TENM1: variants seen among roughly 807,000 people sequenced by gnomAD.
TENM1 encodes teneurin-1.
A neutral mutation model predicts 174.8 loss-of-function variants in TENM1; 35 were observed. That is an observed-to-expected ratio of 0.20 (90% CI 0.15 to 0.27). The LOEUF is 0.27. Ranked by LOEUF, TENM1 falls within the 10% of genes least tolerant of loss-of-function variation. The probability of loss-of-function intolerance (pLI) is 1.00; values close to 1 mark genes in which losing one functional copy is unlikely to be tolerated. For missense variants in TENM1, 1,633 were observed against 2,130.1 expected, an observed-to-expected ratio of 0.77 and a Z score of 4.59; for synonymous variants, 781 against 798.7, an observed-to-expected ratio of 0.98 and a Z score of 0.37.
intron 5 of TENM1, among the ~76,000 whole-genome samples, chrX:124,684,729 A>C (rs1293494665): frequency 8.9e-6 from 1 of 111,954 alleles, no homozygotes; most frequent in East Asian, 2.8e-4. Context: ...AGCCACTGCC[A>C]ACCCAAGATC....
At chrX:124,539,777 A>G (rs1381319422) in intron 15 of TENM1, among the ~76,000 whole-genome samples, 2 of 111,552 alleles carry the variant, frequency 1.8e-5, no homozygotes, top group Non-Finnish European at 3.8e-5. Context: ...CTGTTTGCAT[A>G]TAGTTAAGCT....
the TENM1 span, among the ~76,000 whole-genome samples, chrX:125,070,301 T>C: frequency 9.0e-6 from 1 of 111,470 alleles, no homozygotes; most frequent in African/African-American, 3.3e-5. Context: ...GCATTTTTTC[T>C]TATGTTTGTT....
chrX:124,382,470 T>G (rs1305403307), intron 31 of TENM1, among the ~76,000 whole-genome samples, 200 bp downstream of exon 34: 1 of 111,371 alleles, frequency 9.0e-6, no homozygotes, highest in African/African-American at 3.3e-5. Context: ...CTGTTAATCT[T>G]TTTTTTCCCC....
chrX:124,693,067 CTTGCT>C (rs1175190759), intron 5 of TENM1, among the ~76,000 whole-genome samples: 2 of 107,756 alleles, frequency 1.9e-5, no homozygotes, highest in Admixed American at 1.0e-4. Flanking sequence ...CTACTCTTAC[CTTGCT>C]TTGTCTGTTG....
intron 22 of TENM1, among the ~76,000 whole-genome samples, chrX:124,462,285 A>C (rs1448422735): frequency 3.6e-5 from 4 of 110,498 alleles, no homozygotes; most frequent in Non-Finnish European, 7.6e-5. Context: ...GCATTGAGGA[A>C]TCACTAGATG....
At chrX:125,154,829 G>A in the TENM1 span, among the ~76,000 whole-genome samples, 1 of 109,352 alleles carries the variant, frequency 9.1e-6, no homozygotes, top group Non-Finnish European at 1.9e-5. Flanking sequence ...GGCGTTTCTG[G>A]AGTTGTTCGT....
chrX:124,833,829 G>A (rs1286668642), intron 3 of TENM1, among the ~76,000 whole-genome samples: 6 of 110,814 alleles, frequency 5.4e-5, no homozygotes, highest in Non-Finnish European at 1.1e-4. Context: ...CACCAATCTC[G>A]TATATCGGAC....
chrX:125,006,318 C>A, the TENM1 span, among the ~76,000 whole-genome samples: 1 of 111,819 alleles, frequency 8.9e-6, no homozygotes, highest in African/African-American at 3.3e-5. Context: ...TCTCTAGATT[C>A]CCCCTCATTA....
rs375510917 is a variant in TENM1, at chrX:124,737,206, G to A, written c.536-9C>T. On this transcript the variant is annotated splice_polypyrimidine_tract_variant and intron_variant, in intron 3 of 31. Transcript: ENST00000422452. Reference sequence around the variant, plus strand: ...TGGGCTGCTCTGCACATCTAAAGAGGAGAGAAGAGAAACATAAAATAGAGA... The same window carrying A: ...TGGGCTGCTCTGCACATCTAAAGAGAAGAGAAGAGAAACATAAAATAGAGA... 9 of 1,181,451 alleles carry A rather than the reference G, an allele frequency of 7.6e-6. No homozygotes were observed. Among genetic ancestry groups the A allele is most frequent in the Non-Finnish European group, 1.0e-5 (9 of 881,761 alleles).
At chrX:124,875,390 G>T (rs185154199) in intron 3 of TENM1, among the ~76,000 whole-genome samples, 401 of 108,128 alleles carry the variant, frequency 3.7e-3, no homozygotes, top group African/African-American at 0.013. Context: ...CTTATTTCTT[G>T]TATTAGTTTC....
intron 4 of TENM1, among the ~76,000 whole-genome samples, chrX:124,711,862 C>T (rs2053058441): frequency 9.0e-6 from 1 of 111,321 alleles, no homozygotes; most frequent in South Asian, 3.8e-4. Context: ...TTGTTCTTTC[C>T]ATCCTCTTCC....
In TENM1 at chrX:124,652,109, G is replaced by A. The variant is rs1207491156; in HGVS notation, c.1384C>T (p.Leu462=). 4 of 1,210,332 alleles carry A rather than the reference G, an allele frequency of 3.3e-6. No individual in the cohort carries two copies. The East Asian group carries it at 1.2e-4, about 36-fold the overall frequency. Residue 462 remains leucine, a synonymous_variant, in exon 8 of 32, where the codon CTA becomes TTA. Coordinates refer to ENST00000422452, the Ensembl canonical transcript of TENM1. ...TTGACCAGCTGTTTGCCATCCATTA[G>A]TTTTACAAAATCAAACTGGAACAAA...
intron 4 of TENM1, among the ~76,000 whole-genome samples, chrX:124,736,480 C>T (rs1181808165): frequency 9.1e-6 from 1 of 109,756 alleles, no homozygotes; most frequent in Admixed American, 9.7e-5. Context: ...TTACATGAGG[C>T]TGATCCTTTT....
At position 124,816,000 on chromosome X, in the gene TENM1, G is replaced by A. The variant is rs770077345; in HGVS notation, c.535+78296C>T. Among the ~76,000 whole-genome samples, 3 of 111,858 alleles carry A rather than the reference G, an allele frequency of 2.7e-5. No individual in the cohort carries two copies. The East Asian group carries it at 8.4e-4, about 31-fold the overall frequency. Reference sequence around the variant, plus strand: ...AAAAGAATTTTAAAATATTGTAAAAGTGTGTTGATGAAAAAGAATTGGGTT... The same window carrying A: ...AAAAGAATTTTAAAATATTGTAAAAATGTGTTGATGAAAAAGAATTGGGTT... On this transcript the variant is annotated intron_variant, in intron 3 of 31. Transcript: ENST00000422452.
At chrX:125,065,434 C>A in the TENM1 span, among the ~76,000 whole-genome samples, 1 of 111,979 alleles carries the variant, frequency 8.9e-6, no homozygotes, top group African/African-American at 3.2e-5. Flanking sequence ...ATCCACCTTA[C>A]AGTCCTGATT....
intron 3 of TENM1, among the ~76,000 whole-genome samples, chrX:124,853,268 C>A (rs2056756357): frequency 9.0e-6 from 1 of 111,304 alleles, no homozygotes; most frequent in African/African-American, 3.3e-5. Context: ...ATAATGTGAT[C>A]ATGGAAGGCC....
chrX:124,614,081 T>G (rs903726122), intron 11 of TENM1, among the ~76,000 whole-genome samples: 1 of 109,445 alleles, frequency 9.1e-6, no homozygotes, highest in South Asian at 4.0e-4. Context: ...TCTGGGGGGG[T>G]TGGGGTGGTG....
chrX:125,144,325 G>A, the TENM1 span, among the ~76,000 whole-genome samples: 31 of 111,827 alleles, frequency 2.8e-4, no homozygotes, highest in African/African-American at 9.7e-4. Flanking sequence ...TACCTCCTGT[G>A]CTGCCAATGC....
chrX:124,388,512 T>C (rs2060248853), intron 28 of TENM1, among the ~76,000 whole-genome samples: 1 of 112,633 alleles, frequency 8.9e-6, no homozygotes, highest in South Asian at 3.7e-4. Context: ...TGGGCATTAT[T>C]ATCAGTTTGC....
Sources: allele counts gnomAD v4.1 joint callset (sites outside exome capture counted in the v4.1 genomes callset), GRCh38; gene constraint gnomAD v4.1.1; transcripts MANE v1.5; gene names NCBI Gene and HGNC (gene_info 2026-07-23, HGNC 2026-07-21).